Variants in FGF13 observed in about 807,000 individuals in gnomAD.
FGF13 encodes fibroblast growth factor 13, also known as fibroblast growth factor homologous factor 2.
A neutral mutation model predicts 19.5 loss-of-function variants in FGF13; 2 were observed. That is an observed-to-expected ratio of 0.10 (90% CI 0.04 to 0.32). FGF13 has a LOEUF of 0.32. Among genes scored for constraint, FGF13 ranks in the 10% least tolerant of loss-of-function variants. The pLI is 1.00. For missense variants in FGF13, 113 were observed against 192.7 expected, an observed-to-expected ratio of 0.59 and a Z score of 2.45; for synonymous variants, 72 against 76.9, an observed-to-expected ratio of 0.94 and a Z score of 0.33.
intron 1 of FGF13, among the ~76,000 whole-genome samples, chrX:138,904,295 C>T (rs1358264694): frequency 2.7e-5 from 3 of 110,933 alleles, no homozygotes; most frequent in Non-Finnish European, 5.7e-5. Context: ...GTGTGTGTAT[C>T]GTGGTTGTGT....
At chrX:139,108,850 C>T (rs1048657946) in intron 1 of FGF13, among the ~76,000 whole-genome samples, 4 of 105,040 alleles carry the variant, frequency 3.8e-5, no homozygotes, top group African/African-American at 1.4e-4. Context: ...AACCCCACCC[C>T]CCAACAGGCC....
At chrX:139,044,562 C>T (rs1241515125) in intron 1 of FGF13, among the ~76,000 whole-genome samples, 1 of 111,089 alleles carries the variant, frequency 9.0e-6, no homozygotes, top group East Asian at 2.8e-4. Context: ...ATCATTCCAC[C>T]ACTGGCCCCT....
intron 1 of FGF13, among the ~76,000 whole-genome samples, chrX:138,876,797 T>C (rs1476524139): frequency 2.7e-5 from 3 of 112,222 alleles, no homozygotes; most frequent in Non-Finnish European, 5.6e-5. Flanking sequence ...AAACAAACTA[T>C]GGTGATGGAC....
intron 3 of FGF13, among the ~76,000 whole-genome samples, chrX:138,655,387 T>C (rs1211971871): frequency 1.8e-5 from 2 of 112,009 alleles, no homozygotes; most frequent in African/African-American, 3.2e-5. Context: ...TTTGGATGGA[T>C]GAAGGGATAG....
chrX:138,691,008 A>G (rs1209111143), intron 3 of FGF13, among the ~76,000 whole-genome samples: 1 of 111,612 alleles, frequency 9.0e-6, no homozygotes, highest in Non-Finnish European at 1.9e-5. Context: ...CAACAGGTAT[A>G]TGCTAATCAA....
At chrX:138,783,089 A>G (rs1283292550) in intron 3 of FGF13, among the ~76,000 whole-genome samples, 1 of 98,404 alleles carries the variant, frequency 1.0e-5, no homozygotes, top group African/African-American at 3.9e-5. Flanking sequence ...AATAAATGGT[A>G]CTGGGAAAAC....
At chrX:138,810,892 G>C (rs941109232) in intron 3 of FGF13, among the ~76,000 whole-genome samples, 1 of 111,759 alleles carries the variant, frequency 8.9e-6, no homozygotes, top group Non-Finnish European at 1.9e-5. Flanking sequence ...AAACCACAAT[G>C]AGATACCATC....
chrX:138,675,987 T>C (rs961576332), intron 3 of FGF13, among the ~76,000 whole-genome samples: 2 of 112,053 alleles, frequency 1.8e-5, no homozygotes, highest in African/African-American at 3.2e-5. Context: ...GTTGCTGTTA[T>C]ACCCTCTCAC....
chrX:139,086,824 T>C (rs934199463), intron 1 of FGF13, among the ~76,000 whole-genome samples: 2 of 112,890 alleles, frequency 1.8e-5, no homozygotes, highest in African/African-American at 6.4e-5. Flanking sequence ...TTTTGCCTCT[T>C]AAGTTTTTGT....
chrX:139,017,232 T>C (rs2092157731), intron 1 of FGF13, among the ~76,000 whole-genome samples: 1 of 109,298 alleles, frequency 9.1e-6, no homozygotes, highest in African/African-American at 3.3e-5. Context: ...CTCTGTTATA[T>C]AGATTGCATT....
chrX:138,772,221 G>T (rs1307733468), intron 3 of FGF13, among the ~76,000 whole-genome samples: 1 of 108,035 alleles, frequency 9.3e-6, no homozygotes, highest in African/African-American at 3.3e-5. Context: ...ATGCATATTA[G>T]GCATGTAAAC....
At chrX:139,116,238 C>T (rs751560648) in intron 1 of FGF13, among the ~76,000 whole-genome samples, 5 of 112,343 alleles carry the variant, frequency 4.5e-5, no homozygotes, top group South Asian at 7.3e-4. Context: ...GTGATCATTG[C>T]TAATTTTCAT....
chrX:138,653,460 A>T (rs1281123798), intron 3 of FGF13, among the ~76,000 whole-genome samples: 6 of 112,007 alleles, frequency 5.4e-5, no homozygotes, highest in Admixed American at 1.9e-4. Flanking sequence ...TAAATTTTTA[A>T]TTAAAAATTG....
chrX:138,890,967 A>G (rs191986969), intron 1 of FGF13, among the ~76,000 whole-genome samples: 1 of 112,261 alleles, frequency 8.9e-6, no homozygotes, highest in East Asian at 2.8e-4. Flanking sequence ...TGGAGCTGCT[A>G]TAATAAAATA....
At chrX:138,912,960 A>G (rs1164966229) in intron 1 of FGF13, among the ~76,000 whole-genome samples, 6 of 110,879 alleles carry the variant, frequency 5.4e-5, no homozygotes, top group African/African-American at 2.0e-4. Flanking sequence ...ACATTTCCTC[A>G]AAGCCAGGTT....
At chrX:138,690,853 C>T (rs1026376239) in intron 3 of FGF13, among the ~76,000 whole-genome samples, 1 of 111,482 alleles carries the variant, frequency 9.0e-6, no homozygotes, top group Non-Finnish European at 1.9e-5. Context: ...ACAGTTTATG[C>T]TGATCCTGTA....
At position 138,625,498 on chromosome X, in the gene FGF13, CATAT is replaced by C. The variant is rs1263155664; in HGVS notation, c.*7348_*7351del. On this transcript the variant is annotated 3_prime_UTR_variant, in exon 5 of 5. Coordinates refer to ENST00000315930, the MANE Select transcript of FGF13 (RefSeq NM_004114.5). Reference sequence around the variant, plus strand: ...TATATATATATAATATATATATATACATATATATATATAATATAATATATATATA... The same window carrying C: ...TATATATATATAATATATATATATACATATATATAATATAATATATATATA... 1 of 85,898 alleles carries C rather than the reference CATAT, an allele frequency of 1.2e-5. No homozygotes were observed. Among genetic ancestry groups the C allele is most frequent in the Non-Finnish European group, 2.1e-5 (1 of 47,885 alleles). 7.1% of individuals were successfully genotyped at this position (85,898 alleles called of 1,213,427 possible).
chrX:139,192,743 A>G (rs1174824588), intron 1 of FGF13, among the ~76,000 whole-genome samples: 3 of 111,730 alleles, frequency 2.7e-5, no homozygotes, highest in Admixed American at 9.5e-5. Context: ...TTCCTGAACC[A>G]CAGATAAGCA....
intron 1 of FGF13, among the ~76,000 whole-genome samples, chrX:139,015,418 T>C (rs974421904): frequency 1.8e-5 from 2 of 111,318 alleles, no homozygotes; most frequent in Non-Finnish European, 3.8e-5. Flanking sequence ...CATTTCTATA[T>C]GCCAACAGCA....
Sources: gnomAD v4.1 joint callset for allele counts (sites outside exome capture counted in the v4.1 genomes callset) on GRCh38, gnomAD v4.1.1 for gene constraint, MANE v1.5 for transcripts, NCBI Gene and HGNC (gene_info 2026-07-23, HGNC 2026-07-21) for gene names.